Variants in TMEM71 observed in about 807,000 individuals in gnomAD.
TMEM71 encodes transmembrane protein 71.
TMEM71 carries 44 observed loss-of-function variants against 38.0 expected under a neutral mutation model. That is an observed-to-expected ratio of 1.16 (90% CI 0.91 to 1.49). TMEM71 has a LOEUF of 1.49. Ranked by LOEUF, TMEM71 falls within the 40% of genes most tolerant of loss-of-function variation. The pLI, the probability that TMEM71 is intolerant of heterozygous loss-of-function variation, is 0.00. For missense variants in TMEM71, 367 were observed against 348.6 expected, an observed-to-expected ratio of 1.05 and a Z score of -0.42; for synonymous variants, 133 against 122.5, an observed-to-expected ratio of 1.09 and a Z score of -0.56.
intron 5 of TMEM71, among the ~76,000 whole-genome samples, chr8:132,739,411 A>T (rs1166779728): frequency 1.3e-5 from 2 of 152,178 alleles, no homozygotes; most frequent in African/African-American, 2.4e-5. Flanking sequence ...TCCCAGGTTC[A>T]CGCCATTCTC....
chr8:132,731,989 G>C (rs1827484288), intron 5 of TMEM71, among the ~76,000 whole-genome samples: 1 of 152,160 alleles, frequency 6.6e-6, no homozygotes, highest in African/African-American at 2.4e-5. Context: ...CAAAAGTAAG[G>C]CGGGAGGCAA....
chr8:132,710,847 T>C lies in TMEM71; in HGVS notation c.*120A>G. On this transcript the variant is annotated 3_prime_UTR_variant, in exon 10 of 10. Coordinates refer to ENST00000677595, the MANE Select transcript of TMEM71 (RefSeq NM_001382403.1). ...TCACATAGTCAAACTAAAATGGCTT[T>C]TTCTCCATTACTCGCTTACTCCCTT... 1 of 906,606 alleles carries C rather than the reference T, an allele frequency of 1.1e-6. No individual in the cohort carries two copies. Among genetic ancestry groups the C allele is most frequent in the South Asian group, 1.4e-5 (1 of 70,662 alleles). 56.2% of individuals were successfully genotyped at this position (906,606 alleles called of 1,614,324 possible).
the TMEM71 span, among the ~76,000 whole-genome samples, chr8:132,769,898 A>T: frequency 2.0e-5 from 3 of 152,248 alleles, no homozygotes; most frequent in East Asian, 5.8e-4. Flanking sequence ...TGAATATTGC[A>T]TGCATGCATG....
intron 9 of TMEM71, 96 bp downstream of exon 9, chr8:132,713,899 T>A: frequency 3.4e-6 from 4 of 1,189,272 alleles, no homozygotes. Flanking sequence ...GGATGTTTCC[T>A]GTCATTGCCA....
chr8:132,730,744 T>C (rs1017961199), intron 5 of TMEM71, among the ~76,000 whole-genome samples: 2 of 152,222 alleles, frequency 1.3e-5, no homozygotes, highest in Non-Finnish European at 2.9e-5. Context: ...TAAGCCTTGA[T>C]TTCATGACTA....
the TMEM71 span, among the ~76,000 whole-genome samples, chr8:132,767,102 G>T: frequency 6.6e-6 from 1 of 152,206 alleles, no homozygotes; most frequent in East Asian, 1.9e-4. Flanking sequence ...AATAGGGAAT[G>T]TTCCTTGATA....
the TMEM71 span, among the ~76,000 whole-genome samples, chr8:132,773,298 A>T: frequency 3.3e-4 from 50 of 152,212 alleles, no homozygotes; most frequent in African/African-American, 1.1e-3. Flanking sequence ...AACTCCACAG[A>T]GGATTACTAA....
At position 132,747,097 on chromosome 8, in the gene TMEM71, T is replaced by C. The variant is rs754940297; in HGVS notation, c.332A>G (p.Lys111Arg). 2.5e-6 allele frequency: 4 copies of C among 1,604,964 alleles called. No homozygotes were observed. Among genetic ancestry groups the C allele is most frequent in the African/African-American group, 1.3e-5 (1 of 74,320 alleles). ...AGAAGAAAAGGAATGGCAGATTCTC[T>C]TTTTCTTTCTAAATATCCTAGAGAG... ...ENLVRIFRKK[K>R]RICHSFSSLF... The change falls in exon 5 of 10, where the codon AAG becomes AGG. Residue 111 changes from lysine to arginine, a missense_variant. Coordinates refer to ENST00000677595, the MANE Select transcript of TMEM71 (RefSeq NM_001382403.1).
intron 4 of TMEM71, among the ~76,000 whole-genome samples, chr8:132,751,228 C>T (rs559347827): frequency 3.5e-4 from 54 of 152,318 alleles, no homozygotes; most frequent in Non-Finnish European, 7.1e-4. Context: ...CCCTTCCCAC[C>T]CTAAGTTTAT....
chr8:132,772,179 A>G, the TMEM71 span, among the ~76,000 whole-genome samples: 3 of 152,132 alleles, frequency 2.0e-5, no homozygotes, highest in Non-Finnish European at 4.4e-5. Flanking sequence ...TTTTTTTCCT[A>G]CCTTAAAATA....
At chr8:132,769,646 G>A in the TMEM71 span, among the ~76,000 whole-genome samples, 2 of 152,176 alleles carry the variant, frequency 1.3e-5, no homozygotes, top group Non-Finnish European at 2.9e-5. Flanking sequence ...ACATGAGAGA[G>A]ATGATCTCTG....
chr8:132,775,686 C>G, the TMEM71 span: 4 of 327,598 alleles, frequency 1.2e-5, no homozygotes, highest in Non-Finnish European at 2.2e-5. Flanking sequence ...CCGCCTGGCC[C>G]CCGCCGGGCC....
At chr8:132,759,596 T>C (rs1186659344) in intron 1 of TMEM71, 1 of 152,250 alleles carries the variant, frequency 6.6e-6, no homozygotes, top group Non-Finnish European at 1.5e-5. Flanking sequence ...GATCATTTAC[T>C]GTTCATCAAA....
intron 5 of TMEM71, among the ~76,000 whole-genome samples, chr8:132,746,464 C>CACATATATATACATATATAT (rs1828379801): frequency 5.7e-5 from 1 of 17,636 alleles, no homozygotes; most frequent in South Asian, 3.2e-3. Context: ...TATATATATA[C>CACATATATATACATATATAT]ATATATATAT....
intron 3 of TMEM71, among the ~76,000 whole-genome samples, chr8:132,752,632 G>C (rs942966948): frequency 3.3e-5 from 5 of 152,072 alleles, no homozygotes; most frequent in Admixed American, 6.6e-5. Flanking sequence ...TACTCAGAAG[G>C]CTAAGGCAGG....
At chr8:132,750,923 A>G (rs1303058144) in intron 4 of TMEM71, among the ~76,000 whole-genome samples, 1 of 152,030 alleles carries the variant, frequency 6.6e-6, no homozygotes, top group Non-Finnish European at 1.5e-5. Context: ...CATTCTTTTT[A>G]TCTATTTCCC....
intron 5 of TMEM71, among the ~76,000 whole-genome samples, chr8:132,739,513 A>G (rs1827926552): frequency 6.6e-6 from 1 of 152,128 alleles, no homozygotes; most frequent in Admixed American, 6.5e-5. Flanking sequence ...GGGTTTCACC[A>G]TGTTAGCCAG....
At chr8:132,722,008 A>G (rs139797787) in intron 7 of TMEM71, 32 bp downstream of exon 7, 81 of 1,561,946 alleles carry the variant, frequency 5.2e-5, no homozygotes, top group Admixed American at 6.7e-5. Flanking sequence ...TAATTATGAA[A>G]TACCGCTGCA....
At chr8:132,718,279 G>A (rs1586784789) in intron 7 of TMEM71, among the ~76,000 whole-genome samples, 2 of 152,196 alleles carry the variant, frequency 1.3e-5, no homozygotes, top group African/African-American at 4.8e-5. Context: ...GCAATGAATA[G>A]CATTTTACAT....
Sources: allele counts gnomAD v4.1 joint callset (sites outside exome capture counted in the v4.1 genomes callset), GRCh38; gene constraint gnomAD v4.1.1; transcripts MANE v1.5; gene names NCBI Gene and HGNC (gene_info 2026-07-23, HGNC 2026-07-21).